The following RBFOX1 variants were observed in gnomAD, a reference collection of about 807,000 sequenced individuals.
The protein encoded by RBFOX1 is RNA binding fox-1 homolog 1.
A neutral mutation model predicts 57.7 loss-of-function variants in RBFOX1; 8 were observed. The observed-to-expected ratio is 0.14, with a 90% CI of 0.08 to 0.25. RBFOX1 has a LOEUF of 0.25. Among genes scored for constraint, RBFOX1 ranks in the 10% least tolerant of loss-of-function variants. The pLI is 1.00. For synonymous variants in RBFOX1, 326 were observed against 222.4 expected (o/e 1.47, Z -4.15); for missense variants, 611 against 548.5 (o/e 1.11, Z -1.14).
intron 3 of RBFOX1, among the ~76,000 whole-genome samples, chr16:5,654,713 T>C (rs1441196753): frequency 6.6e-6 from 1 of 152,144 alleles, no homozygotes; most frequent in African/African-American, 2.4e-5. Context: ...TCCTACTGCC[T>C]GGTGTGATGT....
At chr16:7,704,858 C>G (rs1054472291) in intron 14 of RBFOX1, among the ~76,000 whole-genome samples, 4 of 151,032 alleles carry the variant, frequency 2.6e-5, no homozygotes, top group African/African-American at 9.7e-5. Flanking sequence ...TGAGACCAGC[C>G]TGGGCAACAT....
At chr16:5,728,193 T>C (rs1184829512) in intron 3 of RBFOX1, among the ~76,000 whole-genome samples, 3 of 152,306 alleles carry the variant, frequency 2.0e-5, no homozygotes, top group Non-Finnish European at 4.4e-5. Context: ...AGCCAAGATA[T>C]ACAAACAACT....
intron 1 of RBFOX1, among the ~76,000 whole-genome samples, chr16:6,046,635 C>A (rs1450622824): frequency 1.3e-5 from 2 of 152,084 alleles, no homozygotes; most frequent in African/African-American, 4.8e-5. Flanking sequence ...GAAAAATTGG[C>A]CCAAGGTTAG....
intron 4 of RBFOX1, among the ~76,000 whole-genome samples, chr16:7,312,914 C>CT (rs996922446): frequency 6.6e-6 from 1 of 151,938 alleles, no homozygotes; most frequent in Admixed American, 6.5e-5. Context: ...GCGGAGCTCT[C>CT]TGGGGGCCCC....
chr16:7,132,852 A>G (rs1324367415), intron 4 of RBFOX1, among the ~76,000 whole-genome samples: 1 of 152,242 alleles, frequency 6.6e-6, no homozygotes, highest in Non-Finnish European at 1.5e-5. Flanking sequence ...GCCATAAAGC[A>G]AGAGAATGCT....
intron 1 of RBFOX1, among the ~76,000 whole-genome samples, chr16:6,118,970 TA>T (rs1222775544): frequency 6.6e-6 from 1 of 151,748 alleles, no homozygotes; most frequent in Non-Finnish European, 1.5e-5. Context: ...CAGACCATTT[TA>T]CCTTAGTTCC....
chr16:7,512,931 G>A (rs1204609642), intron 4 of RBFOX1, among the ~76,000 whole-genome samples: 4 of 152,130 alleles, frequency 2.6e-5, no homozygotes, highest in Admixed American at 6.5e-5. Flanking sequence ...CTAAACACAG[G>A]TCCATGGTGT....
chr16:5,872,293 G>A (rs1162177908), intron 4 of RBFOX1, among the ~76,000 whole-genome samples: 2 of 152,346 alleles, frequency 1.3e-5, no homozygotes, highest in East Asian at 3.9e-4. Context: ...GAGTCTTGTA[G>A]ATGAGGTGTG....
intron 4 of RBFOX1, among the ~76,000 whole-genome samples, chr16:5,945,651 A>G (rs1015919329): frequency 6.6e-6 from 1 of 152,204 alleles, no homozygotes; most frequent in African/African-American, 2.4e-5. Context: ...ATCAAAACAC[A>G]GATGTGGCTG....
chr16:5,333,264 C>CT (rs1282744639), intron 1 of RBFOX1, among the ~76,000 whole-genome samples: 1 of 152,126 alleles, frequency 6.6e-6, no homozygotes, highest in East Asian at 1.9e-4. Context: ...AAACCATGGT[C>CT]TGTGATTTAA....
chr16:5,908,145 CACATATAT>C lies in RBFOX1; in HGVS notation c.351+40814_351+40821del, dbSNP rs1203421767. On this transcript the variant is annotated intron_variant, in intron 4 of 19. Transcript: ENST00000641259. ...ACACATATATATATACACATATATACACATATATACACATATATATACACATATATACA... is the reference window on the plus strand; with the variant it reads ...ACACATATATATATACACATATATACACACATATATATACACATATATACA... 5.7e-4 allele frequency among the ~76,000 whole-genome samples: 82 copies of C among 143,750 alleles called. 5 individuals carry two copies. Among genetic ancestry groups the C allele is most frequent in the African/African-American group, 2.2e-3 (80 of 36,796 alleles). The allele number at this position is 143,750 out of a possible 152,430, so 94.3% of individuals were successfully genotyped here. A position where few individuals can be genotyped will look rare whatever the true frequency, so the allele number is the denominator to read the frequency against.
Position 6,757,308 on chromosome 16 carries a change from G to A in RBFOX1, c.-16+102658G>A, listed in dbSNP as rs560588954. On this transcript the variant is annotated intron_variant, in intron 3 of 15. Coordinates refer to ENST00000550418, the MANE Select transcript of RBFOX1 (RefSeq NM_018723.4). ...AAATCCCACTGTGGATATTTACCCA[G>A]AGGAAAGAAAATCAATATCTGAAAG... 3.9e-5 allele frequency among the ~76,000 whole-genome samples: 6 copies of A among 152,208 alleles called. No individual in the cohort carries two copies. The South Asian group carries it at 1.2e-3, about 32-fold the overall frequency.
chr16:7,037,067 C>T (rs1487236625), intron 3 of RBFOX1, among the ~76,000 whole-genome samples: 2 of 152,032 alleles, frequency 1.3e-5, no homozygotes, highest in East Asian at 1.9e-4. Context: ...ACCTTCGTCA[C>T]CATCTTGGTT....
chr16:7,243,409 A>T (rs935370445), intron 4 of RBFOX1, among the ~76,000 whole-genome samples: 9 of 152,182 alleles, frequency 5.9e-5, no homozygotes, highest in Admixed American at 2.0e-4. Context: ...AAACAAAAAG[A>T]TGTGGAAGAA....
chr16:5,535,800 G>A (rs944566760), intron 2 of RBFOX1, among the ~76,000 whole-genome samples: 1 of 152,166 alleles, frequency 6.6e-6, no homozygotes, highest in African/African-American at 2.4e-5. Context: ...TATGTCACCA[G>A]GTTTCACCAC....
rs548119988 is a variant in RBFOX1, at chr16:5,722,413, T to G, written c.318+123452T>G. On this transcript the variant is annotated intron_variant, in intron 3 of 19. Transcript: ENST00000641259. ...TTTAATTATATTTGAAAGTCATTAG[T>G]CAAGGGCTCTGCTGGGCTGTTCTGC... Among the ~76,000 whole-genome samples the G allele has an allele frequency of 2.0e-5, 3 of 152,306 alleles. No homozygotes were observed. In the East Asian group the frequency reaches 5.8e-4, roughly 29 times the overall value.
intron 1 of RBFOX1, among the ~76,000 whole-genome samples, chr16:6,064,846 C>T (rs1370898722): frequency 6.6e-6 from 1 of 152,018 alleles, no homozygotes; most frequent in African/African-American, 2.4e-5. Flanking sequence ...ATTTCCAAAC[C>T]TGACATTGTA....
chr16:7,190,146 A>T (rs1360388341), intron 4 of RBFOX1, among the ~76,000 whole-genome samples: 2 of 152,164 alleles, frequency 1.3e-5, no homozygotes, highest in Non-Finnish European at 2.9e-5. Flanking sequence ...AGATTGTTCT[A>T]GGTCAGGAGT....
At chr16:5,824,360 G>A (rs1221919377) in intron 3 of RBFOX1, among the ~76,000 whole-genome samples, 1 of 152,168 alleles carries the variant, frequency 6.6e-6, no homozygotes, top group Non-Finnish European at 1.5e-5. Flanking sequence ...CATGGAGCTT[G>A]TCTGTCTCCC....
Sources: gnomAD v4.1 joint callset for allele counts (sites outside exome capture counted in the v4.1 genomes callset) on GRCh38, gnomAD v4.1.1 for gene constraint, MANE v1.5 for transcripts, NCBI Gene and HGNC (gene_info 2026-07-23, HGNC 2026-07-21) for gene names.